The following TREM1 variants were observed in gnomAD, a reference collection of about 807,000 sequenced individuals.
TREM1 encodes the protein triggering receptor expressed on monocytes 1.
TREM1 carries 16 observed loss-of-function variants against 22.4 expected under a neutral mutation model. That is an observed-to-expected ratio of 0.71 (90% CI 0.48 to 1.08). TREM1 has a LOEUF of 1.08. TREM1 is among the 50% of genes least tolerant of loss of function. The pLI, the probability that TREM1 is intolerant of heterozygous loss-of-function variation, is 0.00. For synonymous variants in TREM1, 110 were observed against 111.6 expected, an observed-to-expected ratio of 0.99 and a Z score of 0.09; for missense variants, 283 against 282.9, an observed-to-expected ratio of 1.00 and a Z score of 0.00.
chr6:41,272,135 C>T (rs556651342), downstream of TREM1, among the ~76,000 whole-genome samples: 22 of 152,234 alleles, frequency 1.4e-4, no homozygotes, highest in South Asian at 4.2e-4. Context: ...AAGTGTGACT[C>T]GGGGAACAGC....
At chr6:41,282,297 G>A in intron 2 of TREM1, 98 bp downstream of exon 2, 1 of 941,664 alleles carries the variant, frequency 1.1e-6, no homozygotes, top group Non-Finnish European at 1.6e-6. Context: ...GAGGAAGACA[G>A]ACTGCTGGGA....
downstream of TREM1, among the ~76,000 whole-genome samples, chr6:41,272,425 C>G (rs1392967603): frequency 6.6e-6 from 1 of 152,224 alleles, no homozygotes; most frequent in Non-Finnish European, 1.5e-5. Flanking sequence ...TCCCCCAAGG[C>G]CGGGTTCAAG....
At position 41,276,004 on chromosome 6, in the gene TREM1, G is replaced by A. The variant is rs906483625; in HGVS notation, c.*121C>T. 1 of 724,710 alleles carries A rather than the reference G, an allele frequency of 1.4e-6. No homozygotes were observed. Among genetic ancestry groups the A allele is most frequent in the Non-Finnish European group, 2.4e-6 (1 of 409,900 alleles). 44.9% of individuals were successfully genotyped at this position (724,710 alleles called of 1,614,324 possible). Reference sequence around the variant, plus strand: ...GAGACGCTGACTTTAGAAATAGCCGGTGATTACAGATTTAATTCATGTTAT... The same window carrying A: ...GAGACGCTGACTTTAGAAATAGCCGATGATTACAGATTTAATTCATGTTAT... On this transcript the variant is annotated 3_prime_UTR_variant, in exon 4 of 4. Transcript: ENST00000244709.
rs571491612 is a variant in TREM1 at position 41,281,144 on chromosome 6, C to G, written c.416G>C (p.Gly139Ala). 1 of 1,612,952 alleles carries G rather than the reference C, an allele frequency of 6.2e-7. No individual in the cohort carries two copies. Among genetic ancestry groups the G allele is most frequent in the African/African-American group, 1.3e-5 (1 of 74,924 alleles). ...AGAATTCTCATTGGAGCCAGGGGTC[C>G]CTGAAAAACCTGCAAGAAGACACAT... The part of the protein sequence containing the change: ...IRLVVTKGFS[G>A]TPGSNENSTQ... The change falls in exon 3 of 4, where the codon GGG becomes GCG. Residue 139 changes from glycine (G) to alanine (A), a missense_variant. Transcript: ENST00000244709.
At chr6:41,267,974 T>C (rs114128304) in exon 4 of TREM1, 33,354 of 398,624 alleles carry the variant, frequency 0.084, 1,801 homozygotes, top group Middle Eastern at 0.16. Flanking sequence ...AATGCAAGGA[T>C]TGAGTTCCAG....
rs557937811 is a variant in TREM1 at position 41,280,644 on chromosome 6, C to G, written c.599+317G>C. On this transcript the variant is annotated intron_variant, in intron 3 of 3. Coordinates refer to ENST00000244709, the MANE Select transcript of TREM1 (RefSeq NM_018643.5). ...GGGCCCCTCACTCAGAGTGCTTTCC[C>G]ACTGCCCATCAGGCCCCTGGGGTTG... is the stretch of plus-strand genomic sequence containing the variant. 4.4e-6 allele frequency: 6 copies of G among 1,379,194 alleles called. No homozygotes were observed. The African/African-American group carries it at 8.7e-5, about 20-fold the overall frequency. 85.4% of individuals were successfully genotyped at this position (1,379,194 alleles called of 1,614,324 possible). A position where few individuals can be genotyped will look rare whatever the true frequency, so the allele number is the denominator to read the frequency against.
chr6:41,281,310 G>A, intron 2 of TREM1, 157 bp from the exon 3 acceptor site: 3 of 829,514 alleles, frequency 3.6e-6, no homozygotes, highest in South Asian at 3.9e-5. Context: ...AAATGAGCAT[G>A]GCCCAAATGC....
At chr6:41,270,092 G>A (rs983797218), downstream of TREM1, 1 of 152,160 alleles carries the variant, frequency 6.6e-6, no homozygotes, top group African/African-American at 2.4e-5. Context: ...GTCTCTGGGG[G>A]ACCCTGGCTC....
At chr6:41,278,930 T>C (rs1459714600) in intron 3 of TREM1, among the ~76,000 whole-genome samples, 2 of 152,102 alleles carry the variant, frequency 1.3e-5, no homozygotes, top group Admixed American at 6.5e-5. Flanking sequence ...TTCCCATAGC[T>C]GGATCAAAAG....
At chr6:41,270,078 CAG>C (rs1478721704), downstream of TREM1, 1 of 152,212 alleles carries the variant, frequency 6.6e-6, no homozygotes, top group Non-Finnish European at 1.5e-5. Context: ...CCATGAGCAC[CAG>C]AGTCTCTGGG....
downstream of TREM1, among the ~76,000 whole-genome samples, chr6:41,270,925 C>G (rs1436859374): frequency 6.6e-6 from 1 of 152,104 alleles, no homozygotes. Flanking sequence ...AGACTGGTCT[C>G]GAACTCCTGG....
intron 1 of TREM1, 25 bp from the exon 2 acceptor site, chr6:41,282,776 T>C (rs1367659741): frequency 1.3e-6 from 2 of 1,571,678 alleles, no homozygotes; most frequent in Non-Finnish European, 8.7e-7. Flanking sequence ...AGAGAATGGG[T>C]TCTGTGAGGA....
chr6:41,276,269 G>T (rs745842153), intron 3 of TREM1, 39 bp from the exon 4 acceptor site: 7 of 1,492,114 alleles, frequency 4.7e-6, no homozygotes, highest in Non-Finnish European at 6.5e-6. Flanking sequence ...TGCTGGCAAA[G>T]TCTCTCCCAC....
chr6:41,281,189 A>G, intron 2 of TREM1, 36 bp from the exon 3 acceptor site: 1 of 1,601,836 alleles, frequency 6.2e-7, no homozygotes. Context: ...GGATGGACAG[A>G]TGGATGATGA....
chr6:41,284,101 C>A (rs2113996048), intron 1 of TREM1, among the ~76,000 whole-genome samples: 1 of 152,186 alleles, frequency 6.6e-6, no homozygotes, highest in South Asian at 2.1e-4. Flanking sequence ...GAAATGCCCC[C>A]TCCTATTTTT....
intron 1 of TREM1, among the ~76,000 whole-genome samples, chr6:41,283,111 A>G (rs1768005275): frequency 1.3e-5 from 2 of 152,182 alleles, no homozygotes; most frequent in Admixed American, 1.3e-4. Context: ...GATCGATTAC[A>G]AGGGCGTATG....
At chr6:41,278,080 C>G (rs1188954163) in intron 3 of TREM1, among the ~76,000 whole-genome samples, 1 of 147,512 alleles carries the variant, frequency 6.8e-6, no homozygotes, top group Non-Finnish European at 1.5e-5. Context: ...TGCCACCATG[C>G]CCTGCTAATT....
chr6:41,270,458 T>TA (rs1767449020), downstream of TREM1, among the ~76,000 whole-genome samples: 10 of 3,532 alleles, frequency 2.8e-3, no homozygotes, highest in South Asian at 0.056. Flanking sequence ...TATATATATA[T>TA]ATATATATAT....
chr6:41,282,544 A>G lies in TREM1; in HGVS notation c.257T>C (p.Ile86Thr). 1 of 1,614,168 alleles carries G rather than the reference A, an allele frequency of 6.2e-7. No homozygotes were observed. The highest frequency in any genetic ancestry group is 8.5e-7 in the Non-Finnish European group (1 of 1,180,034). ...ACCATGATCATGGTAGTCTTCTAGT[A>G]TGATCCTCCCCACTTGGACTGGATG... ...NSHPVQVGRI[I>T]LEDYHDHGLL... The change falls in exon 2 of 4, where the codon ATA becomes ACA. Residue 86 changes from isoleucine (I) to threonine (T), a missense_variant. Ile to Thr is a moderately conservative substitution (Grantham distance 89). Transcript: ENST00000244709.
Sources: allele counts gnomAD v4.1 joint callset (sites outside exome capture counted in the v4.1 genomes callset), GRCh38; gene constraint gnomAD v4.1.1; transcripts MANE v1.5; gene names NCBI Gene and HGNC (gene_info 2026-07-23, HGNC 2026-07-21).